Variants in MLLT3 observed in about 807,000 individuals in gnomAD.
MLLT3 encodes MLLT3 super elongation complex subunit.
In MLLT3, 4 loss-of-function variants were observed where a neutral mutation model predicts 53.2. The observed-to-expected ratio is 0.08, with a 90% CI of 0.04 to 0.17. MLLT3 has a LOEUF of 0.17. Ranked by LOEUF, MLLT3 falls within the 10% of genes least tolerant of loss-of-function variation. The pLI is 1.00. For synonymous variants in MLLT3, 283 were observed against 230.6 expected, an observed-to-expected ratio of 1.23 and a Z score of -2.06; for missense variants, 569 against 684.0, an observed-to-expected ratio of 0.83 and a Z score of 1.87.
At chr9:20,368,773 G>A (rs1163381708) in intron 5 of MLLT3, among the ~76,000 whole-genome samples, 2 of 152,172 alleles carry the variant, frequency 1.3e-5, no homozygotes, top group Admixed American at 6.5e-5. Context: ...CTGCCACAAA[G>A]TATTTGAGAA....
chr9:20,434,852 G>T (rs534146367), intron 4 of MLLT3, among the ~76,000 whole-genome samples: 4 of 152,008 alleles, frequency 2.6e-5, no homozygotes, highest in South Asian at 4.2e-4. Context: ...GCAGAAAAAA[G>T]ACAATAAACT....
At chr9:20,388,283 T>C (rs1291601428) in intron 5 of MLLT3, among the ~76,000 whole-genome samples, 1 of 152,204 alleles carries the variant, frequency 6.6e-6, no homozygotes, top group Non-Finnish European at 1.5e-5. Flanking sequence ...TGTCCTTTTT[T>C]GTTTATAAAG....
chr9:20,371,329 A>T (rs116612138), intron 5 of MLLT3, among the ~76,000 whole-genome samples: 1,593 of 152,376 alleles, frequency 0.01, 26 homozygotes, highest in African/African-American at 0.036. Flanking sequence ...TATGTAGACG[A>T]AACAGCCTTC....
rs937568903 is a variant in MLLT3 at position 20,620,912 on chromosome 9, T to C, written c.13-78A>G. 1.3e-6 allele frequency: 2 copies of C among 1,497,340 alleles called. No homozygotes were observed. Among genetic ancestry groups the C allele is most frequent in the Non-Finnish European group, 9.2e-7 (1 of 1,081,660 alleles). 92.8% of individuals were successfully genotyped at this position (1,497,340 alleles called of 1,614,324 possible). A position where few individuals can be genotyped will look rare whatever the true frequency, so the allele number is the denominator to read the frequency against. On this transcript the variant is annotated intron_variant, in intron 1 of 10. Transcript: ENST00000380338. This position sits in a 1 kb window ranked among gnomAD's most constrained non-coding sequence, Gnocchi z 6.1. ...GGCAGTGAACGTTGCGCCTGACATT[T>C]TTTTCCTCCTTCTTGAAACGCACAT...
At position 20,620,569 on chromosome 9, in the gene MLLT3, G is replaced by T. The variant is rs1326465051; in HGVS notation, c.193+85C>A. 3 of 1,224,994 alleles carry T rather than the reference G, an allele frequency of 2.4e-6. No individual in the cohort carries two copies. Among genetic ancestry groups the T allele is most frequent in the Non-Finnish European group, 3.2e-6 (3 of 923,732 alleles). 75.9% of individuals were successfully genotyped at this position (1,224,994 alleles called of 1,614,324 possible). ...CGCCGGCGAGCGCGGCGCGGGGGGCGGGGAGCGGGACAGCGGGACCGCCCG... is the reference window on the plus strand; with the variant it reads ...CGCCGGCGAGCGCGGCGCGGGGGGCTGGGAGCGGGACAGCGGGACCGCCCG... On this transcript the variant is annotated intron_variant, in intron 2 of 10. Transcript: ENST00000380338. This position sits in a 1 kb window ranked among gnomAD's most constrained non-coding sequence, Gnocchi z 6.1.
chr9:20,605,856 G>T (rs1820549697), intron 2 of MLLT3, among the ~76,000 whole-genome samples: 1 of 151,896 alleles, frequency 6.6e-6, no homozygotes, highest in Admixed American at 6.6e-5. Flanking sequence ...CAACTATTAA[G>T]CATTTGAAGA....
intron 2 of MLLT3, among the ~76,000 whole-genome samples, chr9:20,499,422 A>G (rs963291799): frequency 3.9e-5 from 6 of 152,198 alleles, no homozygotes; most frequent in Admixed American, 1.3e-4. Context: ...GAGAGGGTAC[A>G]CAGGATATTT....
intron 5 of MLLT3, among the ~76,000 whole-genome samples, chr9:20,372,318 T>C (rs1045696829): frequency 1.3e-5 from 2 of 152,204 alleles, no homozygotes; most frequent in African/African-American, 4.8e-5. Context: ...TACTGCACTA[T>C]CAAACAACCT....
intron 8 of MLLT3, among the ~76,000 whole-genome samples, chr9:20,357,911 G>A (rs1017204408): frequency 1.3e-5 from 2 of 150,926 alleles, no homozygotes; most frequent in Non-Finnish European, 2.9e-5. Flanking sequence ...TTTATTAATC[G>A]TGAAAATTCA....
Position 20,615,360 on chromosome 9 carries a change from G to GAAAAAAAAAA in MLLT3, c.193+5284_193+5293dup, listed in dbSNP as rs10601830. On this transcript the variant is annotated intron_variant, in intron 2 of 10. Coordinates refer to ENST00000380338, the MANE Select transcript of MLLT3 (RefSeq NM_004529.4). Reference sequence around the variant, plus strand: ...CCTGGGTGACAGGGCCAGACCATGTGAAAAAAAAAAAAAAAAAAAAAAAAA... The same window carrying GAAAAAAAAAA: ...CCTGGGTGACAGGGCCAGACCATGTGAAAAAAAAAAAAAAAAAAAAAAAAAAAAAAAAAAA... 2.9e-4 allele frequency among the ~76,000 whole-genome samples: 14 copies of GAAAAAAAAAA among 48,770 alleles called. 1 individual carries two copies. Among genetic ancestry groups the GAAAAAAAAAA allele is most frequent in the Admixed American group, 1.8e-3 (5 of 2,816 alleles). The allele number at this position is 48,770 out of a possible 152,430, so 32.0% of individuals were successfully genotyped here.
intron 2 of MLLT3, among the ~76,000 whole-genome samples, chr9:20,537,472 T>G (rs766271112): frequency 6.6e-5 from 10 of 152,224 alleles, no homozygotes; most frequent in Non-Finnish European, 1.2e-4. Context: ...ATAAACATCT[T>G]GAGTCATAAG....
At chr9:20,432,186 C>A (rs1303264972) in intron 4 of MLLT3, among the ~76,000 whole-genome samples, 4 of 152,132 alleles carry the variant, frequency 2.6e-5, no homozygotes, top group African/African-American at 9.7e-5. Flanking sequence ...AACACAGTGT[C>A]TCATTTAATC....
chr9:20,565,934 A>T (rs868310558), intron 2 of MLLT3, among the ~76,000 whole-genome samples: 3 of 14,650 alleles, frequency 2.0e-4, no homozygotes, highest in South Asian at 2.0e-3. Context: ...ATATATATAT[A>T]TATTTATATA....
At chr9:20,615,403 A>T in intron 2 of MLLT3, among the ~76,000 whole-genome samples, 1 of 143,738 alleles carries the variant, frequency 7.0e-6, no homozygotes, top group Non-Finnish European at 1.5e-5. Context: ...AAAAGAATGG[A>T]TAGTAATAGT....
intron 2 of MLLT3, among the ~76,000 whole-genome samples, chr9:20,519,047 T>G (rs951264555): frequency 2.0e-5 from 3 of 152,182 alleles, no homozygotes; most frequent in African/African-American, 4.8e-5. Flanking sequence ...TTTTAAATCA[T>G]TAAATAGAAA....
At position 20,621,007 on chromosome 9, in the gene MLLT3, A is replaced by C; in HGVS notation, c.13-173T>G. On this transcript the variant is annotated intron_variant, in intron 1 of 10. Coordinates refer to ENST00000380338, the MANE Select transcript of MLLT3 (RefSeq NM_004529.4). The surrounding 1 kb of genome is among the most constrained non-coding windows in gnomAD (Gnocchi z 7.0). ...GGGCGCGCACACTCCACACCCCCAAATATACCCGCCCGCCCGGCCCGGCTT... is the reference window on the plus strand; with the variant it reads ...GGGCGCGCACACTCCACACCCCCAACTATACCCGCCCGCCCGGCCCGGCTT... The C allele has an allele frequency of 4.0e-5, 32 of 791,450 alleles. No homozygotes were observed. The highest frequency in any genetic ancestry group is 5.5e-5 in the East Asian group (2 of 36,694). 49.0% of individuals were successfully genotyped at this position (791,450 alleles called of 1,614,324 possible). A position where few individuals can be genotyped will look rare whatever the true frequency, so the allele number is the denominator to read the frequency against.
At chr9:20,593,057 T>C (rs1820168175) in intron 2 of MLLT3, among the ~76,000 whole-genome samples, 1 of 152,190 alleles carries the variant, frequency 6.6e-6, no homozygotes, top group Non-Finnish European at 1.5e-5. Flanking sequence ...CAGAACTTAA[T>C]AAAAGCTCAA....
intron 4 of MLLT3, among the ~76,000 whole-genome samples, chr9:20,417,606 T>C (rs1412043153): frequency 6.6e-6 from 1 of 152,046 alleles, no homozygotes; most frequent in Non-Finnish European, 1.5e-5. Flanking sequence ...CACGTGTGCA[T>C]AATTCAAATC....
intron 2 of MLLT3, among the ~76,000 whole-genome samples, chr9:20,477,721 A>G (rs1256191621): frequency 6.6e-6 from 1 of 152,140 alleles, no homozygotes; most frequent in East Asian, 1.9e-4. Context: ...CAGTTCTCCT[A>G]TACTCCAGGG....
Sources: gnomAD v4.1 joint callset for allele counts (sites outside exome capture counted in the v4.1 genomes callset) on GRCh38, gnomAD v4.1.1 for gene constraint, Gnocchi (gnomAD v3.1) non-coding constraint, MANE v1.5 for transcripts, NCBI Gene and HGNC (gene_info 2026-07-23, HGNC 2026-07-21) for gene names.